Variants in MSRA observed in about 807,000 individuals in gnomAD.
MSRA encodes the protein methionine sulfoxide reductase A.
Under a neutral mutation model 31.3 loss-of-function variants are expected in MSRA, and 54 were observed. That is an observed-to-expected ratio of 1.73 (90% CI 1.39 to 2.17). The LOEUF (loss-of-function observed/expected upper bound fraction) is 2.17, where lower values mean the gene tolerates loss of function less well. MSRA is among the 30% of genes most tolerant of loss of function. MSRA has a pLI of 0.00. For synonymous variants in MSRA, 169 were observed against 116.5 expected (o/e 1.45, Z -2.90); for missense variants, 507 against 300.9 (o/e 1.69, Z -5.07).
chr8:10,398,448 G>A lies in MSRA; in HGVS notation c.544-29700G>A, dbSNP rs940461362. Among the ~76,000 whole-genome samples the A allele has an allele frequency of 6.6e-5, 10 of 152,220 alleles. No homozygotes were observed. The East Asian group carries it at 7.7e-4, about 12-fold the overall frequency. On this transcript the variant is annotated intron_variant, in intron 5 of 5. Transcript: ENST00000317173. ...TTGTTCTGCAGCCTTCGTTGTGGAA[G>A]TCTGAGCACAGTTTTCTCCTGCAGG...
intron 3 of MSRA, among the ~76,000 whole-genome samples, chr8:10,266,469 A>G (rs1038452954): frequency 6.6e-6 from 1 of 152,208 alleles, no homozygotes; most frequent in Non-Finnish European, 1.5e-5. Context: ...AGCTCTTGAT[A>G]TATTCTGGAA....
At chr8:10,409,761 C>G (rs1485773800) in intron 5 of MSRA, among the ~76,000 whole-genome samples, 1 of 152,212 alleles carries the variant, frequency 6.6e-6, no homozygotes, top group Non-Finnish European at 1.5e-5. Flanking sequence ...TAGACTCAAT[C>G]AAGATATTTC....
At chr8:10,074,918 C>G (rs568186406) in intron 1 of MSRA, among the ~76,000 whole-genome samples, 7 of 152,048 alleles carry the variant, frequency 4.6e-5, no homozygotes, top group Non-Finnish European at 7.4e-5. Context: ...CTCGGCCTCC[C>G]GAAGTGCTGG....
chr8:10,154,438 C>T (rs1039918224), intron 1 of MSRA, among the ~76,000 whole-genome samples: 6 of 151,926 alleles, frequency 3.9e-5, no homozygotes, highest in African/African-American at 1.5e-4. Context: ...AGTGCAGTGG[C>T]ACAATCTCGG....
At chr8:10,073,632 A>G (rs1485212860) in intron 1 of MSRA, among the ~76,000 whole-genome samples, 2 of 150,940 alleles carry the variant, frequency 1.3e-5, no homozygotes, top group African/African-American at 4.9e-5. Context: ...ACACACTCTT[A>G]CTCTAATTGG....
At chr8:10,273,389 G>C (rs910988851) in intron 3 of MSRA, among the ~76,000 whole-genome samples, 13 of 152,060 alleles carry the variant, frequency 8.5e-5, no homozygotes, top group African/African-American at 2.4e-4. Context: ...CTACCCCCTA[G>C]TAGTTGTGCA....
At chr8:10,236,131 G>C (rs1811913667) in intron 2 of MSRA, among the ~76,000 whole-genome samples, 1 of 152,152 alleles carries the variant, frequency 6.6e-6, no homozygotes, top group Non-Finnish European at 1.5e-5. Flanking sequence ...TTCTCAACCT[G>C]ATAAAGGATA....
chr8:10,313,551 G>T (rs1188501529), intron 4 of MSRA, among the ~76,000 whole-genome samples: 1 of 151,790 alleles, frequency 6.6e-6, no homozygotes. Flanking sequence ...TCTAATATTG[G>T]GTCTTGTTTA....
chr8:10,413,505 T>A lies in MSRA; in HGVS notation c.544-14643T>A, dbSNP rs12155619. On this transcript the variant is annotated intron_variant, in intron 5 of 5. Transcript: ENST00000317173. ...TTGTCTGATTTTCAAGAAAAAAATA[T>A]GTAACAAAGAAACATGACGGTATCC... is the stretch of plus-strand genomic sequence containing the variant. Among the ~76,000 whole-genome samples, 1,085 of 152,186 alleles carry A rather than the reference T, an allele frequency of 7.1e-3. 7 individuals carry two copies. The highest frequency in any genetic ancestry group is 9.7e-3 in the Non-Finnish European group (657 of 68,000).
intron 1 of MSRA, among the ~76,000 whole-genome samples, chr8:10,181,619 A>G (rs1288056174): frequency 6.6e-6 from 1 of 152,168 alleles, no homozygotes; most frequent in Non-Finnish European, 1.5e-5. Context: ...GCAATTACTG[A>G]GGAGAACAGA....
At chr8:10,223,623 G>C (rs1481187812) in intron 2 of MSRA, among the ~76,000 whole-genome samples, 1 of 152,166 alleles carries the variant, frequency 6.6e-6, no homozygotes, top group Admixed American at 6.5e-5. Flanking sequence ...GAGAATGGCA[G>C]GTGGTGTAAT....
chr8:10,323,612 A>G (rs1264053266), intron 5 of MSRA, among the ~76,000 whole-genome samples: 1 of 152,198 alleles, frequency 6.6e-6, no homozygotes, highest in Non-Finnish European at 1.5e-5. Flanking sequence ...TAGGTATTAT[A>G]TAATTAATTA....
intron 1 of MSRA, among the ~76,000 whole-genome samples, chr8:10,171,731 T>C (rs370325784): frequency 3.3e-5 from 5 of 152,346 alleles, no homozygotes; most frequent in African/African-American, 1.2e-4. Flanking sequence ...TTGAACATCA[T>C]CTTTAAAATG....
In MSRA at chr8:10,246,325, G is replaced by A. The variant is rs111461600; in HGVS notation, c.331+1102G>A. Among the ~76,000 whole-genome samples, 435 of 152,246 alleles carry A rather than the reference G, an allele frequency of 2.9e-3. 5 individuals carry two copies. Among genetic ancestry groups the A allele is most frequent in the African/African-American group, 0.01 (418 of 41,536 alleles). On this transcript the variant is annotated intron_variant, in intron 3 of 5. Transcript: ENST00000317173. ...ATGCCCTCATGGCAAATTCTGTCTC[G>A]AATACCAGATTACCTCTCTGGACTT...
intron 2 of MSRA, among the ~76,000 whole-genome samples, chr8:10,237,292 G>C (rs758581254): frequency 6.6e-5 from 10 of 152,240 alleles, no homozygotes; most frequent in Non-Finnish European, 1.5e-4. Flanking sequence ...ATGATGTTGG[G>C]TTAGGTTACA....
At chr8:10,404,572 A>G (rs1807680445) in intron 5 of MSRA, among the ~76,000 whole-genome samples, 1 of 152,258 alleles carries the variant, frequency 6.6e-6, no homozygotes, top group Non-Finnish European at 1.5e-5. Context: ...TGCCGTCAGC[A>G]GCTGCTTCTG....
chr8:10,344,147 G>A (rs1419624091), intron 5 of MSRA, among the ~76,000 whole-genome samples: 2 of 152,202 alleles, frequency 1.3e-5, no homozygotes, highest in Admixed American at 1.3e-4. Flanking sequence ...CTGGCTTTGA[G>A]GTGAGAAGAC....
intron 4 of MSRA, among the ~76,000 whole-genome samples, chr8:10,316,625 A>G (rs1273678219): frequency 2.7e-5 from 4 of 147,152 alleles, no homozygotes; most frequent in Non-Finnish European, 4.5e-5. Context: ...CCTTTTGATG[A>G]AAGGAGGGCT....
chr8:10,090,600 C>G (rs1460976355), intron 1 of MSRA, among the ~76,000 whole-genome samples: 5 of 152,156 alleles, frequency 3.3e-5, no homozygotes. Context: ...TTCGTACATT[C>G]ACTTTGTTGT....
Sources: gnomAD v4.1 joint callset for allele counts (sites outside exome capture counted in the v4.1 genomes callset) on GRCh38, gnomAD v4.1.1 for gene constraint, MANE v1.5 for transcripts, NCBI Gene and HGNC (gene_info 2026-07-23, HGNC 2026-07-21) for gene names.